The following IRAG2 variants were observed in gnomAD, a reference collection of about 807,000 sequenced individuals.
IRAG2 encodes the protein inositol 1,4,5-triphosphate receptor associated 2.
A neutral mutation model predicts 69.9 loss-of-function variants in IRAG2; 45 were observed. That is an observed-to-expected ratio of 0.64 (90% CI 0.51 to 0.83). The LOEUF is 0.83. Among genes scored for constraint, IRAG2 ranks in the 40% least tolerant of loss-of-function variants. IRAG2 has a pLI of 0.00. For missense variants in IRAG2, 520 were observed against 587.0 expected, an observed-to-expected ratio of 0.89 and a Z score of 1.18; for synonymous variants, 193 against 202.4, an observed-to-expected ratio of 0.95 and a Z score of 0.40.
At chr12:25,071,546 G>C (rs115787651) in intron 6 of IRAG2, among the ~76,000 whole-genome samples, 1 of 152,102 alleles carries the variant, frequency 6.6e-6, no homozygotes, top group Admixed American at 6.5e-5. Flanking sequence ...CAGGAACTTT[G>C]TACAAAAGCA....
chr12:25,081,244 C>G (rs1039445512), intron 9 of IRAG2, among the ~76,000 whole-genome samples: 1 of 152,158 alleles, frequency 6.6e-6, no homozygotes, highest in Non-Finnish European at 1.5e-5. Flanking sequence ...AGGCAGATCA[C>G]GAGGTCAGAA....
intron 20 of IRAG2, 46 bp from the exon 21 acceptor site, chr12:25,106,897 C>T: frequency 1.2e-6 from 1 of 813,182 alleles, no homozygotes. Flanking sequence ...ATAATTATAG[C>T]ATATTATCCT....
At chr12:25,058,064 C>T (rs1945387163) in intron 1 of IRAG2, among the ~76,000 whole-genome samples, 1 of 152,144 alleles carries the variant, frequency 6.6e-6, no homozygotes, top group Non-Finnish European at 1.5e-5. Context: ...CGTCTGTGTA[C>T]AAGTCTTTGT....
intron 15 of IRAG2, chr12:25,097,411 G>A (rs74348863): frequency 0.043 from 6,790 of 156,720 alleles, 205 homozygotes; most frequent in East Asian, 0.11. Context: ...CCATTTTATG[G>A]TATTCTACTG....
intron 14 of IRAG2, among the ~76,000 whole-genome samples, chr12:25,096,009 T>C (rs905369175): frequency 6.6e-6 from 1 of 152,256 alleles, no homozygotes; most frequent in African/African-American, 2.4e-5. Context: ...CACATATCTG[T>C]CTGTTTCAAA....
chr12:25,017,168 C>G, exon 6 of IRAG2: 1 of 1,231,892 alleles, frequency 8.1e-7, no homozygotes, highest in East Asian at 3.2e-5. Flanking sequence ...CGTAGCAGAC[C>G]TTCATTTCAA....
chr12:25,079,497 G>A (rs537465749), intron 8 of IRAG2, 35 bp downstream of exon 8: 2 of 1,555,002 alleles, frequency 1.3e-6, no homozygotes, highest in South Asian at 2.2e-5. Context: ...AAAATAGACT[G>A]TTAGTATTAC....
At chr12:25,052,445 AC>A (rs1944904572), upstream of IRAG2, 23 of 394,590 alleles carry the variant, frequency 5.8e-5, no homozygotes, top group African/African-American at 2.7e-4. Flanking sequence ...ACAACAACAA[AC>A]AAAAAAAAAA....
At chr12:25,106,594 A>C (rs1288085545) in intron 20 of IRAG2, among the ~76,000 whole-genome samples, 1 of 146,698 alleles carries the variant, frequency 6.8e-6, no homozygotes, top group Non-Finnish European at 1.5e-5. Flanking sequence ...CATAGTAATA[A>C]CATTGGTTAA....
At chr12:25,060,120 C>T (rs1279228918) in intron 1 of IRAG2, among the ~76,000 whole-genome samples, 1 of 152,126 alleles carries the variant, frequency 6.6e-6, no homozygotes, top group Non-Finnish European at 1.5e-5. Context: ...TGCTTTTAAT[C>T]TTCTTTGGGC....
intron 2 of IRAG2, among the ~76,000 whole-genome samples, chr12:25,005,761 G>A (rs1397185780): frequency 6.6e-6 from 1 of 151,986 alleles, no homozygotes; most frequent in Non-Finnish European, 1.5e-5. Flanking sequence ...TTTGAGATGT[G>A]TTTTTTAAAA....
At chr12:25,001,607 C>T (rs1244341388), upstream of IRAG2, among the ~76,000 whole-genome samples, 1 of 152,118 alleles carries the variant, frequency 6.6e-6, no homozygotes, top group Non-Finnish European at 1.5e-5. Flanking sequence ...CCTACCACAT[C>T]ATCATTCAGT....
upstream of IRAG2, among the ~76,000 whole-genome samples, chr12:25,003,190 T>C (rs1176961123): frequency 6.6e-6 from 1 of 151,316 alleles, no homozygotes; most frequent in Non-Finnish European, 1.5e-5. Flanking sequence ...GTTCATTCTC[T>C]ATTAGGGGAT....
In IRAG2 at chr12:25,107,059, T is replaced by C. The variant is rs746914384; in HGVS notation, c.1256+9T>C. The C allele has an allele frequency of 1.2e-5, 18 of 1,465,090 alleles. No homozygotes were observed. The highest frequency in any genetic ancestry group is 1.9e-6 in the Non-Finnish European group (2 of 1,053,496). The allele number at this position is 1,465,090 out of a possible 1,614,324, so 90.8% of individuals were successfully genotyped here. ...TGGGATGTCTCTTCAGTGTAAGTTA[T>C]CTACTTGATAAATTCTACCATTTTA... On this transcript the variant is annotated intron_variant, in intron 21 of 21. Coordinates refer to ENST00000556887, the MANE Select transcript of IRAG2 (RefSeq NM_001366544.2).
intron 9 of IRAG2, among the ~76,000 whole-genome samples, chr12:25,028,660 C>T (rs998435271): frequency 4.6e-5 from 7 of 152,116 alleles, no homozygotes; most frequent in East Asian, 1.9e-4. Flanking sequence ...CAGATGACAA[C>T]GACTAGTAAA....
intron 5 of IRAG2, among the ~76,000 whole-genome samples, chr12:25,068,439 CT>C (rs1316609747): frequency 1.3e-5 from 2 of 152,180 alleles, no homozygotes; most frequent in Non-Finnish European, 2.9e-5. Context: ...TTTCCAAGTG[CT>C]GTCCTTTCAG....
chr12:25,096,084 G>A (rs992106762), intron 14 of IRAG2, among the ~76,000 whole-genome samples: 7 of 152,180 alleles, frequency 4.6e-5, no homozygotes, highest in African/African-American at 1.7e-4. Flanking sequence ...CCTATCATAT[G>A]ACAGTATTTC....
chr12:25,019,670 T>C (rs1944562361), intron 6 of IRAG2, among the ~76,000 whole-genome samples: 1 of 152,150 alleles, frequency 6.6e-6, no homozygotes, highest in African/African-American at 2.4e-5. Flanking sequence ...AAAGGCAGCA[T>C]TCAGGTGGGA....
At chr12:25,099,893 G>A (rs1011793272) in intron 15 of IRAG2, among the ~76,000 whole-genome samples, 1 of 150,118 alleles carries the variant, frequency 6.7e-6, no homozygotes, top group Non-Finnish European at 1.5e-5. Flanking sequence ...CCAGCTACTC[G>A]GGAGACTGAG....
Sources: gnomAD v4.1 joint callset for allele counts (sites outside exome capture counted in the v4.1 genomes callset) on GRCh38, gnomAD v4.1.1 for gene constraint, MANE v1.5 for transcripts, NCBI Gene and HGNC (gene_info 2026-07-23, HGNC 2026-07-21) for gene names.